The following MEF2C variants were observed in gnomAD, a reference collection of about 807,000 sequenced individuals.
MEF2C encodes the protein myocyte enhancer factor 2C, also known as myocyte-specific enhancer factor 2C.
In MEF2C, 6 loss-of-function variants were observed where a neutral mutation model predicts 50.5. The ratio of observed to expected loss-of-function variants is 0.12; its 90% confidence interval spans 0.07 to 0.23. MEF2C has a LOEUF of 0.23. Among genes scored for constraint, MEF2C ranks in the 10% least tolerant of loss-of-function variants. The probability of loss-of-function intolerance (pLI) is 1.00; values close to 1 mark genes in which losing one functional copy is unlikely to be tolerated. For synonymous variants in MEF2C, 183 were observed against 228.0 expected, an observed-to-expected ratio of 0.80 and a Z score of 1.78; for missense variants, 276 against 605.0, an observed-to-expected ratio of 0.46 and a Z score of 5.70.
At chr5:88,819,327 G>A in intron 2 of MEF2C, 1 of 984,916 alleles carries the variant, frequency 1.0e-6, no homozygotes. Flanking sequence ...TCAGATCTTG[G>A]TCACTTCCCA....
At chr5:88,736,704 T>G (rs978756875) in intron 6 of MEF2C, 1 of 985,240 alleles carries the variant, frequency 1.0e-6, no homozygotes, top group African/African-American at 1.7e-5. Flanking sequence ...GCTACTTCCA[T>G]CATGTTCCTT....
intron 2 of MEF2C, among the ~76,000 whole-genome samples, chr5:88,816,720 A>C (rs1463164991): frequency 1.3e-5 from 2 of 151,838 alleles, no homozygotes; most frequent in Non-Finnish European, 2.9e-5. Context: ...TGATGTCCTA[A>C]AATATTACTA....
At chr5:88,734,598 T>A (rs867521531) in intron 6 of MEF2C, 2 of 883,920 alleles carry the variant, frequency 2.3e-6, no homozygotes, top group Non-Finnish European at 2.7e-6. Context: ...TTTTTTTTTT[T>A]AGCATTTTCT....
intron 6 of MEF2C, chr5:88,734,511 A>C (rs1358142743): frequency 1.0e-6 from 1 of 982,406 alleles, no homozygotes; most frequent in Non-Finnish European, 1.2e-6. Context: ...TATGACAAGC[A>C]CTGGGCCAGT....
chr5:88,844,212 C>T (rs536211431), intron 1 of MEF2C, among the ~76,000 whole-genome samples: 1 of 152,142 alleles, frequency 6.6e-6, no homozygotes, highest in Non-Finnish European at 1.5e-5. Flanking sequence ...CAGGCAAATT[C>T]GTAATCTCAT....
intron 2 of MEF2C, chr5:88,817,875 T>C (rs1477178523): frequency 6.6e-6 from 1 of 151,992 alleles, no homozygotes; most frequent in East Asian, 1.9e-4. Context: ...AGGTTTAGGC[T>C]AAGCATGCCT....
Position 88,801,562 on chromosome 5 carries a change from G to A in MEF2C, c.258+3036C>T, listed in dbSNP as rs573387418. 4.2e-4 allele frequency among the ~76,000 whole-genome samples: 63 copies of A among 151,210 alleles called. 1 individual carries two copies. The highest frequency in any genetic ancestry group is 9.9e-4 in the Admixed American group (15 of 15,168). The stretch of plus-strand genomic sequence containing the variant: ...CGCCAGAGTGCAGTGGCGCGATCTC[G>A]GCTTGCTGCAAGCTCTCCCTCCCGT... On this transcript the variant is annotated intron_variant, in intron 3 of 10. Coordinates refer to ENST00000504921, the MANE Select transcript of MEF2C (RefSeq NM_002397.5).
chr5:88,738,265 T>TA (rs1764950683), intron 6 of MEF2C: 1 of 985,344 alleles, frequency 1.0e-6, no homozygotes, highest in Non-Finnish European at 1.2e-6. Flanking sequence ...TTGACAATCT[T>TA]ACCATCCAAC....
At chr5:88,745,217 G>A (rs561957893) in intron 6 of MEF2C, among the ~76,000 whole-genome samples, 79 of 152,342 alleles carry the variant, frequency 5.2e-4, no homozygotes, top group African/African-American at 1.4e-3. Flanking sequence ...CAAACTGAAT[G>A]AGAAAGAGTT....
chr5:88,811,463 A>G (rs1802771500), intron 2 of MEF2C, among the ~76,000 whole-genome samples: 1 of 152,144 alleles, frequency 6.6e-6, no homozygotes, highest in East Asian at 1.9e-4. Context: ...TGAATTAAGC[A>G]GGAAGTTGGA....
At chr5:88,728,918 T>C (rs1208029967) in intron 9 of MEF2C, among the ~76,000 whole-genome samples, 1 of 152,188 alleles carries the variant, frequency 6.6e-6, no homozygotes. Context: ...TATTTGATGA[T>C]GTAGAAATGT....
At chr5:88,897,568 T>C (rs1835244232) in intron 1 of MEF2C, among the ~76,000 whole-genome samples, 1 of 152,210 alleles carries the variant, frequency 6.6e-6, no homozygotes, top group African/African-American at 2.4e-5. Flanking sequence ...CATTTCAAGC[T>C]GTATTATTTA....
chr5:88,900,223 A>G (rs1312890007), intron 1 of MEF2C, among the ~76,000 whole-genome samples: 1 of 151,862 alleles, frequency 6.6e-6, no homozygotes, highest in East Asian at 1.9e-4. Context: ...AACAAATTAT[A>G]TAAATAGACC....
At chr5:88,788,452 C>T (rs560708870) in intron 3 of MEF2C, among the ~76,000 whole-genome samples, 166 of 151,958 alleles carry the variant, frequency 1.1e-3, no homozygotes, top group African/African-American at 3.8e-3. Flanking sequence ...TCAAATGATC[C>T]GCCTGCCTCG....
intron 4 of MEF2C, chr5:88,752,702 T>C (rs1371511363): frequency 1.0e-6 from 1 of 985,308 alleles, no homozygotes; most frequent in Non-Finnish European, 1.2e-6. Context: ...TGGCAAGACC[T>C]GTATCTCAAT....
At chr5:88,808,325 A>G (rs1404367077) in intron 2 of MEF2C, among the ~76,000 whole-genome samples, 1 of 152,194 alleles carries the variant, frequency 6.6e-6, no homozygotes. Flanking sequence ...CTTCATGACC[A>G]CAAGCTATAT....
At chr5:88,792,153 T>C (rs977589164) in intron 3 of MEF2C, among the ~76,000 whole-genome samples, 2 of 152,122 alleles carry the variant, frequency 1.3e-5, no homozygotes, top group African/African-American at 4.8e-5. Flanking sequence ...ATTATATAGG[T>C]AAATACTGGT....
At chr5:88,804,923 A>G in intron 2 of MEF2C, 122 bp from the exon 3 acceptor site, 1 of 670,198 alleles carries the variant, frequency 1.5e-6, no homozygotes, top group Non-Finnish European at 2.5e-6. Context: ...CCTGGGCACT[A>G]ACACATTCAG....
chr5:88,857,575 T>C (rs990600486), intron 1 of MEF2C, among the ~76,000 whole-genome samples: 2 of 152,162 alleles, frequency 1.3e-5, no homozygotes, highest in African/African-American at 4.8e-5. Context: ...GGTCCCATAA[T>C]CCCCACTTGT....
Sources: gnomAD v4.1 joint callset for allele counts (sites outside exome capture counted in the v4.1 genomes callset) on GRCh38, gnomAD v4.1.1 for gene constraint, MANE v1.5 for transcripts, NCBI Gene and HGNC (gene_info 2026-07-23, HGNC 2026-07-21) for gene names.